Variants in PHACTR1 observed in about 807,000 individuals in gnomAD.
The protein encoded by PHACTR1 is phosphatase and actin regulator 1, also known as RPEL repeat containing 1.
A neutral mutation model predicts 69.2 loss-of-function variants in PHACTR1; 16 were observed. The ratio of observed to expected loss-of-function variants is 0.23; its 90% CI spans 0.16 to 0.35. The LOEUF is 0.35. PHACTR1 is among the 10% of genes least tolerant of loss of function. PHACTR1 has a pLI of 1.00. For missense variants in PHACTR1, 510 were observed against 734.7 expected, an observed-to-expected ratio of 0.69 and a Z score of 3.54; for synonymous variants, 312 against 284.5, an observed-to-expected ratio of 1.10 and a Z score of -0.97.
At chr6:13,100,722 C>G (rs116267713) in intron 5 of PHACTR1, among the ~76,000 whole-genome samples, 3 of 152,102 alleles carry the variant, frequency 2.0e-5, no homozygotes, top group Non-Finnish European at 4.4e-5. Flanking sequence ...AATCAACAAG[C>G]ATTTATTTAA....
chr6:13,177,489 T>C (rs1761548386), intron 6 of PHACTR1, among the ~76,000 whole-genome samples: 1 of 152,090 alleles, frequency 6.6e-6, no homozygotes, highest in African/African-American at 2.4e-5. Context: ...TTTATATCTA[T>C]TTCTAAATAA....
At chr6:13,132,105 C>T (rs1312775799) in intron 5 of PHACTR1, among the ~76,000 whole-genome samples, 1 of 152,184 alleles carries the variant, frequency 6.6e-6, no homozygotes, top group Non-Finnish European at 1.5e-5. Context: ...TCATCTATTA[C>T]AGTAGAGGTT....
chr6:13,230,544 T>TAA, intron 10 of PHACTR1: 2 of 44,004 alleles, frequency 4.5e-5, no homozygotes, highest in Non-Finnish European at 8.2e-5. Context: ...AGACTCTGTC[T>TAA]CAAAAAAAAA....
chr6:13,084,355 A>T (rs2127806312), intron 5 of PHACTR1, among the ~76,000 whole-genome samples: 1 of 123,270 alleles, frequency 8.1e-6, no homozygotes, highest in African/African-American at 3.1e-5. Context: ...GGGGAACATC[A>T]CACACCGGGG....
chr6:13,124,109 G>A (rs568982513), intron 5 of PHACTR1, among the ~76,000 whole-genome samples: 2 of 152,310 alleles, frequency 1.3e-5, no homozygotes, highest in East Asian at 1.9e-4. Flanking sequence ...GGATGTGGGA[G>A]TATGAACTGC....
intron 5 of PHACTR1, among the ~76,000 whole-genome samples, chr6:13,055,518 G>GA (rs938537827): frequency 6.6e-6 from 1 of 152,022 alleles, no homozygotes; most frequent in Non-Finnish European, 1.5e-5. Context: ...TGTAAGCATT[G>GA]AAAAAAATAT....
intron 8 of PHACTR1, among the ~76,000 whole-genome samples, chr6:13,227,292 C>T (rs990754683): frequency 6.6e-6 from 1 of 152,210 alleles, no homozygotes; most frequent in African/African-American, 2.4e-5. Context: ...GTCTTTCACA[C>T]ACTCAGTCCC....
chr6:13,017,886 G>A (rs1480917815), intron 4 of PHACTR1, among the ~76,000 whole-genome samples: 3 of 152,100 alleles, frequency 2.0e-5, no homozygotes, highest in Non-Finnish European at 2.9e-5. Context: ...GAAACAAGAC[G>A]TATTGATTGC....
chr6:12,741,079 T>G (rs1212441758), intron 3 of PHACTR1, among the ~76,000 whole-genome samples: 1 of 152,040 alleles, frequency 6.6e-6, no homozygotes, highest in Non-Finnish European at 1.5e-5. Flanking sequence ...GTTTCTAAGA[T>G]AGAAACTTAC....
At chr6:13,273,979 A>C (rs964770395) in intron 11 of PHACTR1, 1 of 142,372 alleles carries the variant, frequency 7.0e-6, no homozygotes, top group African/African-American at 2.7e-5. Context: ...ATTTCCACTG[A>C]AACCACACTA....
chr6:13,190,547 T>C (rs974391259), intron 7 of PHACTR1, among the ~76,000 whole-genome samples: 1 of 152,084 alleles, frequency 6.6e-6, no homozygotes, highest in African/African-American at 2.4e-5. Flanking sequence ...AGTCATATAC[T>C]CAAGGCACTT....
intron 4 of PHACTR1, among the ~76,000 whole-genome samples, chr6:13,049,250 T>C (rs1037487084): frequency 8.5e-6 from 1 of 118,300 alleles, no homozygotes; most frequent in African/African-American, 6.7e-5. Context: ...CTCATGGCAC[T>C]TTTTTTTTTA....
chr6:12,738,286 C>T (rs1043873987), intron 3 of PHACTR1, among the ~76,000 whole-genome samples: 7 of 152,200 alleles, frequency 4.6e-5, no homozygotes, highest in Non-Finnish European at 8.8e-5. Context: ...TTTCCCTAGA[C>T]ATCACTTCTG....
intron 4 of PHACTR1, among the ~76,000 whole-genome samples, chr6:12,944,792 T>TTATTTATTTATTTA (rs763631079): frequency 2.7e-4 from 39 of 147,090 alleles, no homozygotes; most frequent in South Asian, 4.2e-4. Context: ...TATTTATTTT[T>TTATTTATTTATTTA]TTTTTTTTGA....
At chr6:13,150,345 A>AAAT (rs919257036) in intron 5 of PHACTR1, among the ~76,000 whole-genome samples, 10 of 151,914 alleles carry the variant, frequency 6.6e-5, no homozygotes, top group Non-Finnish European at 1.0e-4. Flanking sequence ...CTGCCTCAGA[A>AAAT]AATAATAATA....
At chr6:12,883,414 C>T (rs1227150385) in intron 4 of PHACTR1, among the ~76,000 whole-genome samples, 2 of 151,948 alleles carry the variant, frequency 1.3e-5, no homozygotes, top group Admixed American at 6.6e-5. Flanking sequence ...AGGGTTTTGC[C>T]ATATATGCCA....
intron 4 of PHACTR1, among the ~76,000 whole-genome samples, chr6:12,836,501 A>G (rs1336213887): frequency 1.3e-5 from 2 of 152,220 alleles, no homozygotes; most frequent in African/African-American, 4.8e-5. Flanking sequence ...AGAATGGAAC[A>G]TCTCCAGCAA....
intron 6 of PHACTR1, 122 bp from the exon 7 acceptor site, chr6:13,182,397 T>G (rs1268926203): frequency 9.1e-7 from 1 of 1,102,310 alleles, no homozygotes; most frequent in Non-Finnish European, 1.4e-6. Context: ...AAATAACAGA[T>G]GTTGGTTTCA....
Position 12,749,809 on chromosome 6 carries a change from C to G in PHACTR1, c.250+19C>G, listed in dbSNP as rs367654764. 647 of 1,563,178 alleles carry G rather than the reference C, an allele frequency of 4.1e-4. 2 individuals carry two copies. In the African/African-American group the frequency reaches 8.1e-3, roughly 19 times the overall value. On this transcript the variant is annotated intron_variant, in intron 4 of 14. Coordinates refer to ENST00000332995, the MANE Select transcript of PHACTR1 (RefSeq NM_030948.6). ...GGGGCAGGTAAGAACGCCCCTGGCGCCGCGCCCCCGCCCCCGCCCTGCTCC... is the reference window on the plus strand; with the variant it reads ...GGGGCAGGTAAGAACGCCCCTGGCGGCGCGCCCCCGCCCCCGCCCTGCTCC...
Sources: allele counts gnomAD v4.1 joint callset (sites outside exome capture counted in the v4.1 genomes callset), GRCh38; gene constraint gnomAD v4.1.1; transcripts MANE v1.5; gene names NCBI Gene and HGNC (gene_info 2026-07-23, HGNC 2026-07-21).